The following KDM5B variants were observed in gnomAD, a reference collection of about 807,000 sequenced individuals.
KDM5B encodes lysine demethylase 5B.
A neutral mutation model predicts 193.4 loss-of-function variants in KDM5B; 144 were observed. The observed-to-expected ratio is 0.74, with a 90% CI of 0.65 to 0.86. The LOEUF is 0.86. Among genes scored for constraint, KDM5B ranks in the 40% least tolerant of loss-of-function variants. The pLI is 0.00. For synonymous variants in KDM5B, 668 were observed against 682.6 expected (o/e 0.98, Z 0.33); for missense variants, 1,833 against 1,886.9 (o/e 0.97, Z 0.53).
intron 1 of KDM5B, among the ~76,000 whole-genome samples, chr1:202,798,697 G>C (rs1451696536): frequency 6.6e-6 from 1 of 151,964 alleles, no homozygotes; most frequent in Non-Finnish European, 1.5e-5. Flanking sequence ...CTGCATTACA[G>C]TTTGGGCAAC....
At chr1:202,787,118 G>A (rs553458259) in intron 1 of KDM5B, among the ~76,000 whole-genome samples, 1 of 152,086 alleles carries the variant, frequency 6.6e-6, no homozygotes, top group Non-Finnish European at 1.5e-5. Context: ...CCGGGCTCAT[G>A]CAATTCTCCC....
At chr1:202,771,511 T>C (rs1656718558) in intron 4 of KDM5B, among the ~76,000 whole-genome samples, 1 of 151,970 alleles carries the variant, frequency 6.6e-6, no homozygotes, top group African/African-American at 2.4e-5. Context: ...TGCCTCAGCC[T>C]CCCAAAGTGC....
intron 9 of KDM5B, among the ~76,000 whole-genome samples, chr1:202,757,546 T>G (rs1656071271): frequency 6.6e-6 from 1 of 152,242 alleles, no homozygotes; most frequent in Non-Finnish European, 1.5e-5. Flanking sequence ...CAGGATTGGT[T>G]AAGCAAACAT....
intron 11 of KDM5B, among the ~76,000 whole-genome samples, chr1:202,754,041 C>T (rs554310127): frequency 6.6e-6 from 1 of 152,164 alleles, no homozygotes; most frequent in South Asian, 2.1e-4. Flanking sequence ...CTAAAGCAAC[C>T]CACAAGGGTA....
At position 202,749,094 on chromosome 1, in the gene KDM5B, G is replaced by A. The variant is rs1655687764; in HGVS notation, c.1867C>T (p.Arg623Ter). 3.1e-6 allele frequency: 5 copies of A among 1,613,854 alleles called. No homozygotes were observed. The highest frequency in any genetic ancestry group is 4.2e-6 in the Non-Finnish European group (5 of 1,179,966). Residue 623 changes from arginine to a stop codon, truncating the protein, a stop_gained, in exon 14 of 27, where the codon CGA (arginine) becomes TGA (stop). Transcript: ENST00000367265. LOFTEE classifies it high-confidence loss of function. Reference sequence around the variant, plus strand: ...TCATCGTGGGAAAACACACAATATCGATGAAGCAAGCGATAATGCTCCACA... The same window carrying A: ...TCATCGTGGGAAAACACACAATATCAATGAAGCAAGCGATAATGCTCCACA... ...QCVEHYRLLH[R>*]YCVFSHDEMI...
intron 5 of KDM5B, 58 bp from the exon 6 acceptor site, chr1:202,764,203 A>C: frequency 1.1e-6 from 1 of 935,964 alleles, no homozygotes. Flanking sequence ...ATCTTTAAAA[A>C]TCCAACTGGA....
chr1:202,729,522 G>C lies in KDM5B; in HGVS notation c.4497+185C>G, dbSNP rs140154753. 1,263 of 613,334 alleles carry C rather than the reference G, an allele frequency of 2.1e-3. 4 individuals are homozygous for C. The highest frequency in any genetic ancestry group is 3.0e-3 in the Non-Finnish European group (1,062 of 352,934). The allele number at this position is 613,334 out of a possible 1,614,324, so 38.0% of individuals were successfully genotyped here. A position where few individuals can be genotyped will look rare whatever the true frequency, so the allele number is the denominator to read the frequency against. On this transcript the variant is annotated intron_variant, in intron 26 of 26. Coordinates refer to ENST00000367265, the MANE Select transcript of KDM5B (RefSeq NM_006618.5). ...AAGGGAAGAACAAGAGTTTCTTCAAGAAAAGGGAGGAGACCCAGGAACGAT... is the reference window on the plus strand; with the variant it reads ...AAGGGAAGAACAAGAGTTTCTTCAACAAAAGGGAGGAGACCCAGGAACGAT...
intron 1 of KDM5B, among the ~76,000 whole-genome samples, chr1:202,797,758 A>G (rs1657908259): frequency 6.6e-6 from 1 of 152,170 alleles, no homozygotes; most frequent in Admixed American, 6.5e-5. Flanking sequence ...ATCACTGTAA[A>G]CCCTTCTTAA....
rs143161968 is a variant in KDM5B at position 202,796,558 on chromosome 1, AG to A, written c.204+11543del. On this transcript the variant is annotated intron_variant, in intron 1 of 26. Coordinates refer to ENST00000367265, the MANE Select transcript of KDM5B (RefSeq NM_006618.5). ...ATCACTGCAATCATCAGTGCCCTGG[AG>A]CTTATGCAGACAAAGCTGCAGGTTT... 6.5e-3 allele frequency: 1,118 copies of A among 172,726 alleles called. 9 individuals are homozygous for A. The highest frequency in any genetic ancestry group is 0.025 in the African/African-American group (1,061 of 41,782). 10.7% of individuals were successfully genotyped at this position (172,726 alleles called of 1,614,324 possible). A position where few individuals can be genotyped will look rare whatever the true frequency, so the allele number is the denominator to read the frequency against.
intron 1 of KDM5B, chr1:202,796,982 C>G (rs1657875085): frequency 6.6e-6 from 1 of 152,330 alleles, no homozygotes; most frequent in Non-Finnish European, 1.5e-5. Context: ...GGGCTCTTTG[C>G]AGGCTTCCTC....
chr1:202,730,164 C>T, intron 25 of KDM5B, 137 bp from the exon 26 acceptor site: 3 of 744,332 alleles, frequency 4.0e-6, no homozygotes, highest in South Asian at 3.9e-5. Context: ...GCATCTTAAC[C>T]ACTCCCCTCC....
chr1:202,765,929 C>T (rs1034593321), intron 5 of KDM5B, among the ~76,000 whole-genome samples: 1 of 152,164 alleles, frequency 6.6e-6, no homozygotes, highest in Admixed American at 6.5e-5. Context: ...GGTATGGGAA[C>T]GAGATCACTA....
chr1:202,755,520 T>TA, intron 10 of KDM5B, 68 bp from the exon 11 acceptor site: 1 of 1,170,344 alleles, frequency 8.5e-7, no homozygotes, highest in Non-Finnish European at 1.2e-6. Flanking sequence ...GAAGGCCAGC[T>TA]AAAAATATTA....
chr1:202,746,595 T>C, intron 14 of KDM5B: 1 of 300,536 alleles, frequency 3.3e-6, no homozygotes, highest in Non-Finnish European at 6.1e-6. Context: ...ACTGTAAAAC[T>C]ACTGAGATTA....
chr1:202,735,583 A>T lies in KDM5B; in HGVS notation c.3269T>A (p.Leu1090Gln). ...AAGGCCAATATCACATCGAGGACAC[A>T]GCACCTAATGTGGGACAAGGCACAA... ...ENSPYSLLEVLCPRCDIGLLG... is the reference protein window; with the variant it reads ...ENSPYSLLEVQCPRCDIGLLG... Residue 1090 changes from leucine to glutamine, a missense_variant, in exon 22 of 27, where the codon CTG becomes CAG. Transcript: ENST00000367265. The T allele has an allele frequency of 6.2e-7, 1 of 1,613,686 alleles. No individual in the cohort carries two copies. Among genetic ancestry groups the T allele is most frequent in the Non-Finnish European group, 8.5e-7 (1 of 1,179,624 alleles).
intron 1 of KDM5B, among the ~76,000 whole-genome samples, chr1:202,785,575 A>T (rs1657375851): frequency 8.0e-6 from 1 of 124,862 alleles, no homozygotes; most frequent in Non-Finnish European, 1.8e-5. Flanking sequence ...ATACAGGTAG[A>T]ACCCTCAGAC....
intron 1 of KDM5B, among the ~76,000 whole-genome samples, chr1:202,786,634 G>A (rs1333838322): frequency 6.6e-6 from 1 of 152,202 alleles, no homozygotes; most frequent in Non-Finnish European, 1.5e-5. Context: ...CATTTCCTGT[G>A]TGCCCACTAT....
In KDM5B at chr1:202,740,654, A is replaced by G. The variant is rs1190591955; in HGVS notation, c.3084+20T>C. ...TTATGGATGCACTTACACATTCTGT[A>G]TATACTTTTTAAAACCAACCTGCAG... On this transcript the variant is annotated intron_variant, in intron 20 of 26. Coordinates refer to ENST00000367265, the MANE Select transcript of KDM5B (RefSeq NM_006618.5). 6.2e-7 allele frequency: 1 copy of G among 1,607,130 alleles called. No homozygotes were observed. The highest frequency in any genetic ancestry group is 1.3e-5 in the African/African-American group (1 of 74,690).
At chr1:202,736,526 G>A (rs1306084128) in intron 20 of KDM5B, 134 bp from the exon 21 acceptor site, 7 of 520,396 alleles carry the variant, frequency 1.3e-5, no homozygotes, top group African/African-American at 3.9e-5. Context: ...ATTCACAAAC[G>A]CTGACTAACC....
Sources: gnomAD v4.1 joint callset for allele counts (sites outside exome capture counted in the v4.1 genomes callset) on GRCh38, gnomAD v4.1.1 for gene constraint, MANE v1.5 for transcripts, NCBI Gene and HGNC (gene_info 2026-07-23, HGNC 2026-07-21) for gene names.